Variants in LONP2 observed in about 807,000 individuals in gnomAD.
The protein encoded by LONP2 is lon protease homolog 2, peroxisomal.
In LONP2, 60 loss-of-function variants were observed where a neutral mutation model predicts 85.6. The ratio of observed to expected loss-of-function variants is 0.70; its 90% confidence interval spans 0.57 to 0.87. The LOEUF (loss-of-function observed/expected upper bound fraction) is 0.87. Ranked by LOEUF, LONP2 falls within the 40% of genes least tolerant of loss-of-function variation. The pLI is 0.00. For missense variants in LONP2, 860 were observed against 1,063.5 expected, an observed-to-expected ratio of 0.81 and a Z score of 2.66; for synonymous variants, 395 against 389.7, an observed-to-expected ratio of 1.01 and a Z score of -0.16.
intron 11 of LONP2, among the ~76,000 whole-genome samples, chr16:48,320,176 AAAAG>A (rs1426898697): frequency 6.6e-5 from 10 of 151,780 alleles, no homozygotes; most frequent in Non-Finnish European, 1.5e-4. Context: ...AAAAAAAAAA[AAAAG>A]AATTTTTCTA....
At position 48,244,533 on chromosome 16, in the gene LONP2, G is replaced by T; in HGVS notation, c.145G>T (p.Gly49Cys). The T allele has an allele frequency of 1.3e-6, 2 of 1,574,792 alleles. No homozygotes were observed. Among genetic ancestry groups the T allele is most frequent in the Non-Finnish European group, 8.6e-7 (1 of 1,164,404 alleles). Residue 49 changes from glycine to cysteine, a missense_variant, in exon 1 of 15, where the codon GGC becomes TGC. This residue lies in a region of LONP2 where 743 missense variants were observed against 917.3 expected (regional missense o/e 0.81). Transcript: ENST00000285737. ...GCTGGTGCGGAGCCGCCTTCTGAAG[G>T]GCACGTCGCTGCAAAGCACCATCCT... is the stretch of plus-strand genomic sequence containing the variant. ...LQLVRSRLLK[G>C]TSLQSTILGV... is the part of the protein sequence containing the mutation.
At chr16:48,284,860 A>G (rs1972405670) in intron 8 of LONP2, among the ~76,000 whole-genome samples, 1 of 152,174 alleles carries the variant, frequency 6.6e-6, no homozygotes, top group Non-Finnish European at 1.5e-5. Context: ...ATCAACTGTA[A>G]TTACTGCTTT....
At chr16:48,331,095 C>T (rs1032625184) in intron 11 of LONP2, among the ~76,000 whole-genome samples, 43 of 152,300 alleles carry the variant, frequency 2.8e-4, no homozygotes, top group African/African-American at 1.0e-3. Flanking sequence ...ACTAGAGAAA[C>T]TTGTAAGCTC....
At chr16:48,264,011 G>C (rs113992067) in intron 6 of LONP2, among the ~76,000 whole-genome samples, 2,080 of 152,292 alleles carry the variant, frequency 0.014, 47 homozygotes, top group African/African-American at 0.047. Context: ...GGGAGGGAGT[G>C]TGCGAATAGG....
At chr16:48,296,938 A>G (rs973610656) in intron 9 of LONP2, among the ~76,000 whole-genome samples, 2 of 152,076 alleles carry the variant, frequency 1.3e-5, no homozygotes, top group African/African-American at 4.8e-5. Flanking sequence ...ATTGCTCAGA[A>G]TTGTTTTTCC....
rs1288298719 is a variant in LONP2 at position 48,348,266 on chromosome 16, T to C, written c.2313T>C (p.Ile771=). The part of the protein sequence containing the change: ...VRSDVAMTGE[I]TLRGLVLPVG... The stretch of plus-strand genomic sequence containing the variant: ...CAGATGTAGCCATGACTGGAGAAAT[T>C]ACACTGAGAGGTCTTGTTCTTCCAG... Residue 771 remains isoleucine, a synonymous_variant, in exon 14 of 15, where the codon ATT becomes ATC. Transcript: ENST00000285737. 1.3e-6 allele frequency: 2 copies of C among 1,542,092 alleles called. No individual in the cohort carries two copies. The highest frequency in any genetic ancestry group is 1.7e-6 in the Non-Finnish European group (2 of 1,146,164).
At chr16:48,345,153 G>A (rs1959922636) in intron 12 of LONP2, 1 of 152,250 alleles carries the variant, frequency 6.6e-6, no homozygotes. Context: ...CCAGGAGGCA[G>A]AGGTTGCAGT....
At chr16:48,265,246 T>A (rs1368222451) in intron 6 of LONP2, among the ~76,000 whole-genome samples, 1 of 152,200 alleles carries the variant, frequency 6.6e-6, no homozygotes, top group Non-Finnish European at 1.5e-5. Flanking sequence ...TCATTTTTGC[T>A]TTTGTTGCCT....
intron 8 of LONP2, among the ~76,000 whole-genome samples, chr16:48,293,373 A>T (rs1972597641): frequency 6.6e-6 from 1 of 152,112 alleles, no homozygotes; most frequent in African/African-American, 2.4e-5. Context: ...GCTTGCAGTG[A>T]GCCGAGATCG....
chr16:48,273,921 C>T (rs973432849), intron 7 of LONP2, among the ~76,000 whole-genome samples: 1 of 152,068 alleles, frequency 6.6e-6, no homozygotes, highest in Non-Finnish European at 1.5e-5. Flanking sequence ...GAAAAATGAA[C>T]TTGTGATTTC....
intron 14 of LONP2, among the ~76,000 whole-genome samples, chr16:48,350,929 C>T (rs1960122329): frequency 6.6e-6 from 1 of 152,176 alleles, no homozygotes; most frequent in Non-Finnish European, 1.5e-5. Flanking sequence ...GACTGGCCAC[C>T]TCCAGGGCAG....
intron 4 of LONP2, among the ~76,000 whole-genome samples, chr16:48,259,549 A>T (rs181368154): frequency 2.8e-4 from 42 of 152,346 alleles, no homozygotes; most frequent in African/African-American, 9.4e-4. Flanking sequence ...CAGCGCTCTG[A>T]CTTAAGTTGA....
chr16:48,296,604 G>A (rs1972676997), intron 9 of LONP2, among the ~76,000 whole-genome samples: 1 of 151,850 alleles, frequency 6.6e-6, no homozygotes, highest in African/African-American at 2.4e-5. Context: ...GCGGGCGCCT[G>A]TAGTCCCACC....
intron 11 of LONP2, among the ~76,000 whole-genome samples, chr16:48,324,797 T>C (rs1973335452): frequency 6.6e-6 from 1 of 151,962 alleles, no homozygotes; most frequent in African/African-American, 2.4e-5. Flanking sequence ...CCATTTGTTC[T>C]TTTTTTTAAT....
intron 12 of LONP2, among the ~76,000 whole-genome samples, chr16:48,340,088 T>C (rs1959770837): frequency 1.3e-5 from 2 of 152,192 alleles, no homozygotes; most frequent in African/African-American, 4.8e-5. Flanking sequence ...GAGCAGAGTT[T>C]AGAATCTTCC....
chr16:48,322,379 ACACATTAGCC>A lies in LONP2; in HGVS notation c.1796-11834_1796-11825del, dbSNP rs560269884. ...CTTTGTTAAAAGCAAAGACACAGAC[ACACATTAGCC>A]CAGTCCTGAACTAGGTCAGGATCTT... On this transcript the variant is annotated intron_variant, in intron 11 of 14. Coordinates refer to ENST00000285737, the MANE Select transcript of LONP2 (RefSeq NM_031490.5). Among the ~76,000 whole-genome samples the A allele has an allele frequency of 3.4e-3, 512 of 152,308 alleles. 3 individuals carry two copies. Among genetic ancestry groups the A allele is most frequent in the Middle Eastern group, 0.014 (4 of 294 alleles).
At chr16:48,310,068 A>T (rs1972997293) in intron 11 of LONP2, among the ~76,000 whole-genome samples, 1 of 152,076 alleles carries the variant, frequency 6.6e-6, no homozygotes, top group South Asian at 2.1e-4. Flanking sequence ...TTTAAAAAAA[A>T]AAAAACTATT....
chr16:48,334,756 C>T (rs1391890606), intron 12 of LONP2: 6 of 551,592 alleles, frequency 1.1e-5, no homozygotes, highest in Admixed American at 2.0e-5. Context: ...AGATGCCCTA[C>T]CTGTCTTGAA....
chr16:48,286,683 G>A (rs1212951205), intron 8 of LONP2, among the ~76,000 whole-genome samples: 1 of 151,908 alleles, frequency 6.6e-6, no homozygotes, highest in East Asian at 1.9e-4. Context: ...TTTTTGTAGA[G>A]ACAGGGTTTC....
Sources: gnomAD v4.1 joint callset for allele counts (sites outside exome capture counted in the v4.1 genomes callset) on GRCh38, gnomAD v4.1.1 for gene constraint, gnomAD v4.1.1 regional missense constraint, MANE v1.5 for transcripts, NCBI Gene and HGNC (gene_info 2026-07-23, HGNC 2026-07-21) for gene names.